HABP4: variants seen among roughly 807,000 people sequenced by gnomAD.
HABP4 encodes intracellular hyaluronan-binding protein 4.
HABP4 carries 32 observed loss-of-function variants against 44.1 expected under a neutral mutation model. The ratio of observed to expected loss-of-function variants is 0.73; its 90% confidence interval spans 0.55 to 0.97. The LOEUF (loss-of-function observed/expected upper bound fraction) is 0.97, where lower values mean the gene tolerates loss of function less well. HABP4 is among the 50% of genes least tolerant of loss of function. The pLI is 0.00. For synonymous variants in HABP4, 216 were observed against 218.0 expected (o/e 0.99, Z 0.08); for missense variants, 503 against 561.9 (o/e 0.90, Z 1.06).
At position 96,450,308 on chromosome 9, in the gene HABP4, C is replaced by T. The variant is rs769750106; in HGVS notation, c.29C>T (p.Ala10Val). Residue 10 changes from alanine to valine, a missense_variant, in exon 1 of 8, where the codon GCT (alanine) becomes GTT (valine). Around this residue, in one of 3 missense-constraint regions of HABP4, gnomAD observed 290 missense variants for 300.5 expected, o/e 0.97. Coordinates refer to ENST00000375249, the MANE Select transcript of HABP4 (RefSeq NM_014282.4). The surrounding 1 kb of genome is among the most constrained non-coding windows in gnomAD (Gnocchi z 4.8). Reference protein sequence around the residue: MKGALGSPVAAAGAAMQESF... With the variant: MKGALGSPVVAAGAAMQESF... ...AAGGGCGCTCTGGGGAGTCCCGTGG[C>T]TGCCGCTGGCGCCGCGATGCAGGAG... is the stretch of plus-strand genomic sequence containing the variant. The T allele has an allele frequency of 9.1e-6, 13 of 1,432,666 alleles. No individual in the cohort carries two copies. In the South Asian group the frequency reaches 1.7e-4, roughly 18 times the overall value. The allele number at this position is 1,432,666 out of a possible 1,614,324, so 88.7% of individuals were successfully genotyped here. A position where few individuals can be genotyped will look rare whatever the true frequency, so the allele number is the denominator to read the frequency against.
At position 96,490,201 on chromosome 9, in the gene HABP4, C is replaced by A; in HGVS notation, c.*163C>A. On this transcript the variant is annotated 3_prime_UTR_variant, in exon 8 of 8. Coordinates refer to ENST00000375249, the MANE Select transcript of HABP4 (RefSeq NM_014282.4). ...GGGCTGAGCTGTTAGAGGGGCTTCT[C>A]CAGAGGCTCGAGAGCAGGCCATTTC... is the stretch of plus-strand genomic sequence containing the variant. 1 of 610,414 alleles carries A rather than the reference C, an allele frequency of 1.6e-6. No individual in the cohort carries two copies. The highest frequency in any genetic ancestry group is 2.9e-6 in the Non-Finnish European group (1 of 339,442). 37.8% of individuals were successfully genotyped at this position (610,414 alleles called of 1,614,324 possible). A position where few individuals can be genotyped will look rare whatever the true frequency, so the allele number is the denominator to read the frequency against.
intron 5 of HABP4, among the ~76,000 whole-genome samples, chr9:96,480,601 A>T (rs1026735912): frequency 6.6e-6 from 1 of 152,244 alleles, no homozygotes; most frequent in African/African-American, 2.4e-5. Context: ...TTACATAAGT[A>T]TTCATTAGTC....
At chr9:96,487,976 A>G in intron 6 of HABP4, 113 bp from the exon 7 acceptor site, 2 of 755,160 alleles carry the variant, frequency 2.6e-6, no homozygotes, top group South Asian at 3.2e-5. Flanking sequence ...AATGGCTCTG[A>G]CTAGCCCCTG....
chr9:96,451,465 A>C, intron 1 of HABP4: 1 of 985,082 alleles, frequency 1.0e-6, no homozygotes, highest in Non-Finnish European at 1.2e-6. Context: ...TGTTTTCTTG[A>C]AATGAGGCAG....
intron 4 of HABP4, 90 bp downstream of exon 4, chr9:96,465,868 T>C: frequency 1.3e-6 from 1 of 754,428 alleles, no homozygotes; most frequent in Non-Finnish European, 2.4e-6. Flanking sequence ...TCTTCTGTAT[T>C]GTGCTTTATA....
chr9:96,477,979 G>C (rs1357820747), intron 5 of HABP4, among the ~76,000 whole-genome samples: 2 of 152,132 alleles, frequency 1.3e-5, no homozygotes, highest in Non-Finnish European at 2.9e-5. Flanking sequence ...TTTGGTCTGT[G>C]TTCTTTCTCC....
chr9:96,486,376 C>CTGGG (rs1832977383), intron 6 of HABP4, among the ~76,000 whole-genome samples: 1 of 152,212 alleles, frequency 6.6e-6, no homozygotes, highest in Non-Finnish European at 1.5e-5. Flanking sequence ...CATTAGCAAG[C>CTGGG]TGGGTTGGTT....
intron 5 of HABP4, among the ~76,000 whole-genome samples, chr9:96,478,646 TGTTGTCATC>T (rs1232422099): frequency 6.6e-6 from 1 of 151,770 alleles, no homozygotes; most frequent in African/African-American, 2.4e-5. Flanking sequence ...TATGGGTTTT[TGTTGTCATC>T]GTTTTTTTTT....
In HABP4 at chr9:96,488,193, G is replaced by A. The variant is rs1218203273; in HGVS notation, c.1104G>A (p.Gly368=). The part of the protein sequence containing the change: ...EINFGNLPRP[G]RGARGGTRGG... ...ATTTTGGTAACCTCCCTCGTCCTGG[G>A]CGTGGAGCCAGAGGAGGCACCCGGG... The change falls in exon 7 of 8, where the codon GGG becomes GGA. Residue 368 remains glycine, a synonymous_variant. Coordinates refer to ENST00000375249, the MANE Select transcript of HABP4 (RefSeq NM_014282.4). The surrounding 1 kb of genome is among the most constrained non-coding windows in gnomAD (Gnocchi z 4.6). The A allele has an allele frequency of 6.2e-7, 1 of 1,613,426 alleles. No homozygotes were observed. Among genetic ancestry groups the A allele is most frequent in the East Asian group, 2.2e-5 (1 of 44,878 alleles).
chr9:96,484,899 G>A (rs747374484), intron 6 of HABP4, among the ~76,000 whole-genome samples: 35 of 152,176 alleles, frequency 2.3e-4, no homozygotes, highest in Non-Finnish European at 4.4e-4. Flanking sequence ...TACACATACT[G>A]TGTATTAACT....
At chr9:96,480,105 G>A (rs1050924057) in intron 5 of HABP4, among the ~76,000 whole-genome samples, 7 of 152,148 alleles carry the variant, frequency 4.6e-5, no homozygotes, top group African/African-American at 1.7e-4. Context: ...AGCCCAGGAG[G>A]TGGAGGTTGC....
intron 1 of HABP4, among the ~76,000 whole-genome samples, chr9:96,451,753 TTA>T (rs1300903868): frequency 1.3e-5 from 2 of 152,212 alleles, no homozygotes; most frequent in Non-Finnish European, 2.9e-5. Context: ...TAAAAAAATG[TTA>T]TTTACTATCT....
intron 5 of HABP4, among the ~76,000 whole-genome samples, chr9:96,479,316 G>A (rs1416981067): frequency 6.6e-6 from 1 of 151,858 alleles, no homozygotes; most frequent in Non-Finnish European, 1.5e-5. Context: ...GTCGAGGAGG[G>A]AGATGAGTAA....
intron 7 of HABP4, among the ~76,000 whole-genome samples, chr9:96,489,065 C>T (rs1183319325): frequency 6.6e-6 from 1 of 152,208 alleles, no homozygotes; most frequent in African/African-American, 2.4e-5. Flanking sequence ...GACCCCTTCT[C>T]TGTGGCTGGT....
Position 96,465,783 on chromosome 9 carries a change from G to A in HABP4, c.743+5G>A, listed in dbSNP as rs896968405. 23 of 1,508,274 alleles carry A rather than the reference G, an allele frequency of 1.5e-5. No individual in the cohort carries two copies. Among genetic ancestry groups the A allele is most frequent in the African/African-American group, 5.5e-5 (4 of 72,862 alleles). 93.4% of individuals were successfully genotyped at this position (1,508,274 alleles called of 1,614,324 possible). On this transcript the variant is annotated splice_donor_5th_base_variant and intron_variant, in intron 4 of 7. Coordinates refer to ENST00000375249, the MANE Select transcript of HABP4 (RefSeq NM_014282.4). Reference sequence around the variant, plus strand: ...GGGATCGGGTAAAGATACCAGGTACGGTGTAAGTGTGTGCCCTCTGAGAAC... The same window carrying A: ...GGGATCGGGTAAAGATACCAGGTACAGTGTAAGTGTGTGCCCTCTGAGAAC...
At chr9:96,469,189 T>G (rs1832654317) in intron 4 of HABP4, among the ~76,000 whole-genome samples, 1 of 152,228 alleles carries the variant, frequency 6.6e-6, no homozygotes, top group African/African-American at 2.4e-5. Flanking sequence ...CTGCAATAAT[T>G]TAAAAAGTGT....
At chr9:96,457,730 T>C (rs896792880) in intron 1 of HABP4, among the ~76,000 whole-genome samples, 2 of 151,930 alleles carry the variant, frequency 1.3e-5, no homozygotes, top group African/African-American at 4.8e-5. Flanking sequence ...TAGCTGGGCA[T>C]GGTGGCACAT....
chr9:96,451,512 T>C, intron 1 of HABP4: 1 of 978,212 alleles, frequency 1.0e-6, no homozygotes, highest in Non-Finnish European at 1.2e-6. Flanking sequence ...GATTAAGATG[T>C]GTAGGTTGAC....
chr9:96,463,298 G>A (rs1473725316), intron 2 of HABP4, among the ~76,000 whole-genome samples: 3 of 149,532 alleles, frequency 2.0e-5, no homozygotes, highest in Admixed American at 2.0e-4. Context: ...TTTGTTGCCC[G>A]GGCTGGAGTG....
Sources: allele counts gnomAD v4.1 joint callset (sites outside exome capture counted in the v4.1 genomes callset), GRCh38; gene constraint gnomAD v4.1.1; regional missense constraint gnomAD v4.1.1; non-coding constraint Gnocchi (gnomAD v3.1); transcripts MANE v1.5; gene names NCBI Gene and HGNC (gene_info 2026-07-23, HGNC 2026-07-21).